Variants in HSPG2 observed in about 807,000 individuals in gnomAD.
The protein encoded by HSPG2 is heparan sulfate proteoglycan 2.
A neutral mutation model predicts 526.6 loss-of-function variants in HSPG2; 278 were observed. That is an observed-to-expected ratio of 0.53 (90% CI 0.48 to 0.58). HSPG2 has a LOEUF of 0.58. Ranked by LOEUF, HSPG2 falls within the 20% of genes least tolerant of loss-of-function variation. The probability of loss-of-function intolerance (pLI) is 0.00; values close to 1 mark genes in which losing one functional copy is unlikely to be tolerated. For missense variants in HSPG2, 5,354 were observed against 6,099.5 expected (o/e 0.88, Z 4.07); for synonymous variants, 2,465 against 2,555.4 (o/e 0.96, Z 1.07).
rs1011271356 is a variant in HSPG2, at chr1:21,857,340, C to G, written c.5339G>C (p.Ser1780Thr). 1.2e-6 allele frequency: 2 copies of G among 1,613,956 alleles called. No individual in the cohort carries two copies. The highest frequency in any genetic ancestry group is 1.7e-6 in the Non-Finnish European group (2 of 1,180,032). ...PITVTVEEQR[S>T]QSVRPGADVT... The stretch of plus-strand genomic sequence containing the variant: ...GTCAGCTCCGGGGCGCACGCTCTGG[C>G]TCCGCTGCTCCTCCACAGTCACTGT... The change falls in exon 43 of 97, where the codon AGC (serine) becomes ACC (threonine). Residue 1780 changes from serine to threonine, a missense_variant. Physicochemically the swap from Ser to Thr is moderately conservative, Grantham distance 58. Coordinates refer to ENST00000374695, the MANE Select transcript of HSPG2 (RefSeq NM_005529.7).
chr1:21,918,989 C>A (rs756774791), intron 1 of HSPG2, among the ~76,000 whole-genome samples: 3 of 152,220 alleles, frequency 2.0e-5, no homozygotes, highest in Admixed American at 6.5e-5. Flanking sequence ...TGCTGCTGCC[C>A]GCCCTACAGG....
At position 21,854,608 on chromosome 1, in the gene HSPG2, T is replaced by A; in HGVS notation, c.6288+3A>T. ...CCCTGCCATAGGCTCAGGGCCCACA[T>A]ACCTGGGTGTGGGGAGGCAGGCTAC... On this transcript the variant is annotated splice_donor_region_variant and intron_variant, in intron 49 of 96. Transcript: ENST00000374695. 1.3e-6 allele frequency: 2 copies of A among 1,559,314 alleles called. No individual in the cohort carries two copies. Among genetic ancestry groups the A allele is most frequent in the Non-Finnish European group, 1.7e-6 (2 of 1,149,784 alleles).
intron 1 of HSPG2, 36 bp from the exon 2 acceptor site, chr1:21,896,346 C>G (rs775460428): frequency 6.2e-7 from 1 of 1,607,500 alleles, no homozygotes; most frequent in African/African-American, 1.3e-5. Flanking sequence ...GTCACTCTCT[C>G]CAGCTCCCAC....
At position 21,823,387 on chromosome 1, in the gene HSPG2, G is replaced by A; in HGVS notation, c.13105C>T (p.Pro4369Ser). The change falls in exon 97 of 97, where the codon CCG becomes TCG. Residue 4369 changes from proline to serine, a missense_variant. Transcript: ENST00000374695. ...TGCAGGTCCAGGGGCTGTGGGGGCG[G>A]GGCGCCGGGTCGGGCCGAGTGCAGC... Reference protein sequence around the residue: ...LVLHSARPGAPPPQPLDLQHR... With the variant: ...LVLHSARPGASPPQPLDLQHR... 6.4e-7 allele frequency: 1 copy of A among 1,557,446 alleles called. No individual in the cohort carries two copies. The highest frequency in any genetic ancestry group is 8.7e-7 in the Non-Finnish European group (1 of 1,156,026).
At chr1:21,870,185 AAC>A in intron 33 of HSPG2, 1 of 931,124 alleles carries the variant, frequency 1.1e-6, no homozygotes. Context: ...CCCTAGGTAC[AAC>A]CTGTCCTAGC....
At chr1:21,888,744 C>T in intron 6 of HSPG2, 2 of 1,356,558 alleles carry the variant, frequency 1.5e-6, no homozygotes, top group Non-Finnish European at 9.8e-7. Context: ...TGATCAGTGG[C>T]TGTTCCACCT....
intron 1 of HSPG2, among the ~76,000 whole-genome samples, chr1:21,926,362 A>G (rs1644191695): frequency 6.6e-6 from 1 of 152,110 alleles, no homozygotes; most frequent in Admixed American, 6.5e-5. Flanking sequence ...AGGACAGGGA[A>G]GAGACTGGTC....
In HSPG2 at chr1:21,887,718, C is replaced by T; in HGVS notation, c.704-44G>A. On this transcript the variant is annotated intron_variant, in intron 7 of 96. Coordinates refer to ENST00000374695, the MANE Select transcript of HSPG2 (RefSeq NM_005529.7). This position sits in a 1 kb window ranked among gnomAD's most constrained non-coding sequence, Gnocchi z 5.0. Reference sequence around the variant, plus strand: ...TGGCATTTGGCAGAAGCAGATGGCTCCTCACCTGCTCCTTGTCCCCAACCC... The same window carrying T: ...TGGCATTTGGCAGAAGCAGATGGCTTCTCACCTGCTCCTTGTCCCCAACCC... 6.2e-7 allele frequency: 1 copy of T among 1,612,722 alleles called. No individual in the cohort carries two copies.
intron 52 of HSPG2, 85 bp downstream of exon 52, chr1:21,852,615 G>C: frequency 2.5e-6 from 4 of 1,585,682 alleles, no homozygotes; most frequent in Admixed American, 1.7e-5. Context: ...CTTCTGCCCT[G>C]TCAGCAAGAG....
At chr1:21,875,220 A>G in intron 25 of HSPG2, 4 of 620,624 alleles carry the variant, frequency 6.4e-6, no homozygotes, top group South Asian at 3.7e-5. Context: ...GAGAGGTTAT[A>G]CCACCTCGTT....
chr1:21,906,817 G>A (rs1643405233), intron 1 of HSPG2, among the ~76,000 whole-genome samples: 1 of 152,048 alleles, frequency 6.6e-6, no homozygotes, highest in African/African-American at 2.4e-5. Flanking sequence ...CTAGACTAGG[G>A]TTCCACAGAA....
intron 80 of HSPG2, 31 bp from the exon 81 acceptor site, chr1:21,832,637 C>A: frequency 6.4e-7 from 1 of 1,559,528 alleles, no homozygotes; most frequent in Non-Finnish European, 8.8e-7. Flanking sequence ...AAGGGGCCCC[C>A]TTCCAGCCAC....
In HSPG2 at chr1:21,823,393, C is replaced by T. The variant is rs373820736; in HGVS notation, c.13099G>A (p.Gly4367Ser). The change falls in exon 97 of 97, where the codon GGC (glycine) becomes AGC (serine). Residue 4367 changes from glycine (G) to serine (S), a missense_variant. Transcript: ENST00000374695. ...TCCAGGGGCTGTGGGGGCGGGGCGCCGGGTCGGGCCGAGTGCAGCACCAGG... is the reference window on the plus strand; with the variant it reads ...TCCAGGGGCTGTGGGGGCGGGGCGCTGGGTCGGGCCGAGTGCAGCACCAGG... The part of the protein sequence containing the change: ...KNLVLHSARP[G>S]APPPQPLDLQ... 9.6e-6 allele frequency: 15 copies of T among 1,561,240 alleles called. No homozygotes were observed. Among genetic ancestry groups the T allele is most frequent in the Admixed American group, 5.6e-5 (3 of 54,024 alleles).
At chr1:21,874,309 A>C in intron 28 of HSPG2, 97 bp downstream of exon 28, 1 of 1,511,210 alleles carries the variant, frequency 6.6e-7, no homozygotes, top group Non-Finnish European at 9.1e-7. Context: ...GCCAGGATTT[A>C]ACCACTGCCT....
chr1:21,879,009 A>C lies in HSPG2; in HGVS notation c.2456T>G (p.Ile819Ser). The C allele has an allele frequency of 1.9e-6, 3 of 1,613,864 alleles. No homozygotes were observed. The highest frequency in any genetic ancestry group is 2.5e-6 in the Non-Finnish European group (3 of 1,179,958). ...TGGGGCTGACCTGCGGGAGGCATCG[A>C]TGTATGGGCAAGGGCAGGGCCGGCA... Reference protein sequence around the residue: ...TSCRPCPCPYIDASRRFSDTC... With the variant: ...TSCRPCPCPYSDASRRFSDTC... Residue 819 changes from isoleucine to serine, a missense_variant, in exon 18 of 97, where the codon ATC becomes AGC. Physicochemically the swap from Ile to Ser is moderately radical, Grantham distance 142. Transcript: ENST00000374695.
At position 21,874,894 on chromosome 1, in the gene HSPG2, G is replaced by A. The variant is rs140007811; in HGVS notation, c.3411C>T (p.Cys1137=). 1 of 1,610,906 alleles carries A rather than the reference G, an allele frequency of 6.2e-7. No homozygotes were observed. Among genetic ancestry groups the A allele is most frequent in the Non-Finnish European group, 8.5e-7 (1 of 1,178,512 alleles). ...TGGCGTGGGGCCCAGGACTCACCTG[G>A]CAGGACGGCCCACGGTACCCGGGTG... ...SCPPGYRGPS[C]QDCDTGYTRT... Residue 1137 remains cysteine, a synonymous_variant, in exon 26 of 97, where the codon TGC becomes TGT. Transcript: ENST00000374695.
At position 21,896,312 on chromosome 1, in the gene HSPG2, T is replaced by C. The variant is rs1165605313; in HGVS notation, c.64-2A>G. On this transcript the variant is annotated splice_acceptor_variant, in intron 1 of 96. Transcript: ENST00000374695. LOFTEE classifies it high-confidence loss of function. Reference sequence around the variant, plus strand: ...GTATGCCCTCAGCCCATGGGTCACCTGTAAGCAAACGAGAGCTGATTGAGT... The same window carrying C: ...GTATGCCCTCAGCCCATGGGTCACCCGTAAGCAAACGAGAGCTGATTGAGT... 5 of 1,612,796 alleles carry C rather than the reference T, an allele frequency of 3.1e-6. No individual in the cohort carries two copies. Among genetic ancestry groups the C allele is most frequent in the Admixed American group, 1.7e-5 (1 of 60,002 alleles).
rs750465618 is a variant in HSPG2, at chr1:21,862,044, G to A, written c.4812C>T (p.Ala1604=). ...AGGGCTGGCAGTCCTCAGGCGTCCC[G>A]GCTGTGGCATCTCCGTAGTAGCCAG... ...CAPGYYGDAT[A]GTPEDCQPCA... is the part of the protein sequence containing the mutation. Residue 1604 remains alanine, a synonymous_variant, in exon 38 of 97, where the codon GCC becomes GCT. Transcript: ENST00000374695. 99 of 1,614,040 alleles carry A rather than the reference G, an allele frequency of 6.1e-5. No homozygotes were observed. Among genetic ancestry groups the A allele is most frequent in the Non-Finnish European group, 7.4e-5 (87 of 1,180,036 alleles).
At chr1:21,936,339 T>C (rs1481342093) in intron 1 of HSPG2, among the ~76,000 whole-genome samples, 1 of 152,166 alleles carries the variant, frequency 6.6e-6, no homozygotes, top group Non-Finnish European at 1.5e-5. Flanking sequence ...GGGACTAGAC[T>C]GCAAGGGCAG....
Sources: allele counts gnomAD v4.1 joint callset (sites outside exome capture counted in the v4.1 genomes callset), GRCh38; gene constraint gnomAD v4.1.1; non-coding constraint Gnocchi (gnomAD v3.1); transcripts MANE v1.5; gene names NCBI Gene and HGNC (gene_info 2026-07-23, HGNC 2026-07-21).